The following F11R variants were observed in gnomAD, a reference collection of about 807,000 sequenced individuals.
F11R encodes junctional adhesion molecule A.
A neutral mutation model predicts 39.3 loss-of-function variants in F11R; 27 were observed. That is an observed-to-expected ratio of 0.69 (90% CI 0.51 to 0.95). The LOEUF is 0.95. Ranked by LOEUF, F11R falls within the 40% of genes least tolerant of loss-of-function variation. F11R has a pLI of 0.00. For synonymous variants in F11R, 131 were observed against 144.9 expected (o/e 0.90, Z 0.69); for missense variants, 335 against 372.7 (o/e 0.90, Z 0.83).
At chr1:161,008,418 C>T (rs140881761) in intron 1 of F11R, among the ~76,000 whole-genome samples, 3,289 of 152,022 alleles carry the variant, frequency 0.022, 55 homozygotes, top group Non-Finnish European at 0.035. Context: ...AGTAGAATGG[C>T]GTGAACCCGG....
chr1:161,010,339 G>A (rs909817528), intron 1 of F11R, among the ~76,000 whole-genome samples: 2 of 150,752 alleles, frequency 1.3e-5, no homozygotes, highest in Non-Finnish European at 2.9e-5. Context: ...AGCGACTCAG[G>A]AGGCTAAGGC....
chr1:161,012,775 C>A (rs1306564733), intron 1 of F11R, among the ~76,000 whole-genome samples: 1 of 152,036 alleles, frequency 6.6e-6, no homozygotes, highest in Non-Finnish European at 1.5e-5. Context: ...TAGGCACCCA[C>A]CACCATGCCC....
chr1:161,010,813 C>T (rs975804350), intron 1 of F11R, among the ~76,000 whole-genome samples: 4 of 151,540 alleles, frequency 2.6e-5, no homozygotes, highest in Non-Finnish European at 4.4e-5. Context: ...TGGTGAAACC[C>T]CATCTGTACC....
At chr1:161,019,362 G>A (rs1318385247) in intron 1 of F11R, among the ~76,000 whole-genome samples, 1 of 152,118 alleles carries the variant, frequency 6.6e-6, no homozygotes, top group Non-Finnish European at 1.5e-5. Context: ...TTGGGAGGCC[G>A]AGGCGGGTGG....
In F11R at chr1:160,999,111, CA is replaced by C; in HGVS notation, c.816-21del. 6.2e-7 allele frequency: 1 copy of C among 1,614,148 alleles called. No homozygotes were observed. Among genetic ancestry groups the C allele is most frequent in the Non-Finnish European group, 8.5e-7 (1 of 1,180,006 alleles). Reference sequence around the variant, plus strand: ...GAAGTCCTGTGAACAAGCCAGAAGACAGAGACACTCAGCCACCTAGGTGCTT... The same window carrying C: ...GAAGTCCTGTGAACAAGCCAGAAGACGAGACACTCAGCCACCTAGGTGCTT... On this transcript the variant is annotated intron_variant, in intron 8 of 9. Transcript: ENST00000368026.
rs772185387 is a variant in F11R, at chr1:160,998,758, G to A, written c.*113C>T. 3.5e-5 allele frequency: 36 copies of A among 1,014,204 alleles called. No individual in the cohort carries two copies. The highest frequency in any genetic ancestry group is 5.4e-5 in the Non-Finnish European group (35 of 648,934). 62.8% of individuals were successfully genotyped at this position (1,014,204 alleles called of 1,614,324 possible). ...CACATCCGAAGAAGTAGGGGGCCCT[G>A]TGGGGTGTAGAAGACAAATAAGGCA... On this transcript the variant is annotated 3_prime_UTR_variant, in exon 10 of 10. Coordinates refer to ENST00000368026, the MANE Select transcript of F11R (RefSeq NM_016946.6).
chr1:161,000,093 G>A (rs939254501), intron 5 of F11R, 53 bp downstream of exon 5: 11 of 1,604,988 alleles, frequency 6.9e-6, no homozygotes, highest in African/African-American at 2.7e-5. Context: ...CCCACCTTTT[G>A]GGGTTCTATA....
intron 1 of F11R, among the ~76,000 whole-genome samples, chr1:161,017,133 A>AGGCC (rs1310762988): frequency 6.6e-6 from 1 of 151,858 alleles, no homozygotes. Flanking sequence ...ACACTGCGGA[A>AGGCC]GGCCGCAGGG....
At chr1:161,017,560 C>T in intron 1 of F11R, among the ~76,000 whole-genome samples, 1 of 152,230 alleles carries the variant, frequency 6.6e-6, no homozygotes, top group South Asian at 2.1e-4. Flanking sequence ...TGTTTGTCTA[C>T]TGACCCTCTC....
chr1:161,006,251 T>C (rs1205287562), intron 1 of F11R, among the ~76,000 whole-genome samples: 3 of 152,200 alleles, frequency 2.0e-5, no homozygotes, highest in African/African-American at 7.2e-5. Context: ...TCTGTCCAAC[T>C]TTGCTTCCTT....
rs775416088 is a variant in F11R at position 161,000,640 on chromosome 1, T to A, written c.379A>T (p.Ile127Phe). The change falls in exon 4 of 10, where the codon ATC becomes TTC. Residue 127 changes from isoleucine (I) to phenylalanine (F), a missense_variant. Physicochemically the swap from Ile to Phe is conservative, Grantham distance 21. Coordinates refer to ENST00000368026, the MANE Select transcript of F11R (RefSeq NM_016946.6). ...NSYGEVKVKL[I>F]VLVPPSKPTV... is the part of the protein sequence containing the mutation. Reference sequence around the variant, plus strand: ...GACATGGGGCACGTACCAAGCACGATGAGCTTGACCTTGACCTCCCCATAG... The same window carrying A: ...GACATGGGGCACGTACCAAGCACGAAGAGCTTGACCTTGACCTCCCCATAG... 1.7e-5 allele frequency: 28 copies of A among 1,612,532 alleles called. No homozygotes were observed. Among genetic ancestry groups the A allele is most frequent in the Non-Finnish European group, 2.2e-5 (26 of 1,178,788 alleles).
At chr1:161,001,582 T>C (rs776406118) in intron 1 of F11R, among the ~76,000 whole-genome samples, 1 of 152,256 alleles carries the variant, frequency 6.6e-6, no homozygotes, top group African/African-American at 2.4e-5. Context: ...TCCATGGGAA[T>C]GCAGTTTCTT....
Position 160,998,890 on chromosome 1 carries a change from GTC to G in F11R, c.879_880del (p.Gln293HisfsTer30). 1 of 1,614,176 alleles carries G rather than the reference GTC, an allele frequency of 6.2e-7. No homozygotes were observed. The highest frequency in any genetic ancestry group is 8.5e-7 in the Non-Finnish European group (1 of 1,180,004). The stretch of plus-strand genomic sequence containing the variant: ...CCAGGCTCACACCAGGAATGACGAG[GTC>G]TGTTTGAATTCTCCCTGCAGAAATA... On this transcript the variant is annotated frameshift_variant, in exon 10 of 10. Transcript: ENST00000368026. LOFTEE classifies it high-confidence loss of function.
At position 161,009,729 on chromosome 1, in the gene F11R, AG is replaced by A. The variant is rs1329951761; in HGVS notation, c.65-8377del. 3.7e-4 allele frequency among the ~76,000 whole-genome samples: 56 copies of A among 151,940 alleles called. No homozygotes were observed. The East Asian group carries it at 0.011, about 29-fold the overall frequency. ...ACGCCTATAATCCCAGCACTTTGGG[AG>A]GCCGATGTGGGTGGATTGCTTGAGG... On this transcript the variant is annotated intron_variant, in intron 1 of 9. Transcript: ENST00000368026.
chr1:161,010,973 TAAAAAA>T (rs747869704), intron 1 of F11R, among the ~76,000 whole-genome samples: 49 of 111,142 alleles, frequency 4.4e-4, no homozygotes, highest in African/African-American at 1.6e-3. Context: ...GACTCCATCT[TAAAAAA>T]AAAAAAAAAA....
intron 1 of F11R, among the ~76,000 whole-genome samples, chr1:161,020,185 A>G (rs1383934178): frequency 6.6e-6 from 1 of 152,214 alleles, no homozygotes; most frequent in Admixed American, 6.5e-5. Flanking sequence ...ATGCCCTAGC[A>G]AGTGAGCCTC....
At chr1:160,999,331 C>G (rs545132768) in intron 8 of F11R, 65 bp downstream of exon 8, 1 of 1,608,750 alleles carries the variant, frequency 6.2e-7, no homozygotes, top group East Asian at 2.2e-5. Flanking sequence ...AGGCCCACTT[C>G]AGCTTCAAAC....
chr1:161,016,038 G>A (rs943094196), intron 1 of F11R, among the ~76,000 whole-genome samples: 3 of 152,102 alleles, frequency 2.0e-5, no homozygotes, highest in Non-Finnish European at 4.4e-5. Flanking sequence ...ACATGGTGAG[G>A]TAAAAGTGGT....
rs1282305112 is a variant in F11R at position 160,996,835 on chromosome 1, CTTTA to C, written c.*2032_*2035del. The C allele has an allele frequency of 3.3e-5, 5 of 152,236 alleles. No individual in the cohort carries two copies. The highest frequency in any genetic ancestry group is 7.2e-5 in the African/African-American group (3 of 41,424). The allele number at this position is 152,236 out of a possible 1,614,324, so 9.4% of individuals were successfully genotyped here. ...TTACTGAACCATTTCATAAGCTCTA[CTTTA>C]TTTGTCTAGTTGGATTTCATTTCTT... On this transcript the variant is annotated 3_prime_UTR_variant, in exon 10 of 10. Coordinates refer to ENST00000368026, the MANE Select transcript of F11R (RefSeq NM_016946.6).
Sources: gnomAD v4.1 joint callset for allele counts (sites outside exome capture counted in the v4.1 genomes callset) on GRCh38, gnomAD v4.1.1 for gene constraint, MANE v1.5 for transcripts, NCBI Gene and HGNC (gene_info 2026-07-23, HGNC 2026-07-21) for gene names.